Variants in CNTNAP2 observed in about 807,000 individuals in gnomAD.
The protein encoded by CNTNAP2 is contactin-associated protein-like 2.
A neutral mutation model predicts 155.2 loss-of-function variants in CNTNAP2; 98 were observed. That is an observed-to-expected ratio of 0.63 (90% CI 0.54 to 0.75). CNTNAP2 has a LOEUF of 0.75. CNTNAP2 is among the 30% of genes least tolerant of loss of function. CNTNAP2 has a pLI of 0.00. For missense variants in CNTNAP2, 1,727 were observed against 1,688.1 expected, an observed-to-expected ratio of 1.02 and a Z score of -0.40; for synonymous variants, 651 against 631.2, an observed-to-expected ratio of 1.03 and a Z score of -0.47.
In CNTNAP2 at chr7:147,300,268, T is replaced by C. The variant is rs768890589; in HGVS notation, c.1476T>C (p.Thr492=). 4 of 1,613,912 alleles carry C rather than the reference T, an allele frequency of 2.5e-6. No individual in the cohort carries two copies. Among genetic ancestry groups the C allele is most frequent in the East Asian group, 2.2e-5 (1 of 44,836 alleles). ...CTAATAGTCCCCTTCAAGTTAAAAC[T>C]GGCGAGAAGTACTTTTTTGGAGGTA... ...VRTNSPLQVK[T]GEKYFFGGFL... The change falls in exon 9 of 24, where the codon ACT becomes ACC. Residue 492 remains threonine (T), a synonymous_variant. Transcript: ENST00000361727.
chr7:146,227,696 G>C (rs1799319298), intron 1 of CNTNAP2, among the ~76,000 whole-genome samples: 1 of 152,062 alleles, frequency 6.6e-6, no homozygotes, highest in Admixed American at 6.6e-5. Flanking sequence ...TATCAAAAAG[G>C]ACAAGCTGAC....
intron 1 of CNTNAP2, among the ~76,000 whole-genome samples, chr7:146,635,793 C>G (rs1246679731): frequency 7.1e-6 from 1 of 140,826 alleles, no homozygotes. Context: ...ATCCAGGTGC[C>G]AGGACTCATC....
At chr7:146,122,083 T>G (rs1214635197) in intron 1 of CNTNAP2, among the ~76,000 whole-genome samples, 2 of 152,214 alleles carry the variant, frequency 1.3e-5, no homozygotes, top group Non-Finnish European at 2.9e-5. Flanking sequence ...ATCACACTCT[T>G]AGAGTCTATG....
At chr7:148,095,289 C>T (rs1418313964) in intron 15 of CNTNAP2, among the ~76,000 whole-genome samples, 1 of 152,220 alleles carries the variant, frequency 6.6e-6, no homozygotes, top group Non-Finnish European at 1.5e-5. Context: ...CAAGCTACTC[C>T]TGCTCATGGA....
At chr7:147,013,576 T>G (rs920611266) in intron 3 of CNTNAP2, among the ~76,000 whole-genome samples, 1 of 152,132 alleles carries the variant, frequency 6.6e-6, no homozygotes, top group Non-Finnish European at 1.5e-5. Flanking sequence ...AAGATGATCC[T>G]GTCTTCAGGA....
chr7:147,441,902 C>T (rs770890004), intron 10 of CNTNAP2, among the ~76,000 whole-genome samples: 6 of 137,374 alleles, frequency 4.4e-5, no homozygotes, highest in African/African-American at 7.9e-5. Context: ...TTCTGAGCCA[C>T]GTGGAGCTGG....
chr7:147,702,243 G>A (rs921078812), intron 13 of CNTNAP2, among the ~76,000 whole-genome samples: 1 of 151,862 alleles, frequency 6.6e-6, no homozygotes, highest in Non-Finnish European at 1.5e-5. Flanking sequence ...TGGGGTTGCA[G>A]AATTTGCAGC....
chr7:146,875,352 G>A (rs9640487), intron 3 of CNTNAP2, among the ~76,000 whole-genome samples: 1 of 152,248 alleles, frequency 6.6e-6, no homozygotes, highest in East Asian at 1.9e-4. Context: ...GTTCCCCACA[G>A]CTTGATTAAA....
intron 8 of CNTNAP2, among the ~76,000 whole-genome samples, chr7:147,196,875 C>G (rs1802811948): frequency 6.6e-6 from 1 of 152,098 alleles, no homozygotes; most frequent in African/African-American, 2.4e-5. Flanking sequence ...CAGTGTGATC[C>G]TCAAGATTTG....
intron 13 of CNTNAP2, among the ~76,000 whole-genome samples, chr7:147,736,250 A>G (rs7788028): frequency 0.97 from 146,375 of 151,338 alleles, 70,949 homozygotes; most frequent in East Asian, 1. Flanking sequence ...TTGCTTGTCT[A>G]TAAAGTATTT....
chr7:147,670,099 A>G (rs556994056), intron 13 of CNTNAP2, among the ~76,000 whole-genome samples: 23 of 152,328 alleles, frequency 1.5e-4, no homozygotes, highest in Middle Eastern at 3.4e-3. Context: ...GAAAATGTCA[A>G]TGTGTAAAAT....
At chr7:148,383,321 G>A (rs925804780) in intron 21 of CNTNAP2, among the ~76,000 whole-genome samples, 2 of 151,904 alleles carry the variant, frequency 1.3e-5, no homozygotes, top group Admixed American at 1.3e-4. Flanking sequence ...GGAAGCATCA[G>A]AAAAGATAAG....
At chr7:147,862,142 C>T (rs894160397) in intron 13 of CNTNAP2, among the ~76,000 whole-genome samples, 2 of 151,966 alleles carry the variant, frequency 1.3e-5, no homozygotes, top group South Asian at 2.1e-4. Context: ...CTTTGAAAAC[C>T]GACCACATCC....
intron 9 of CNTNAP2, among the ~76,000 whole-genome samples, chr7:147,327,151 T>C (rs1475468095): frequency 1.3e-5 from 2 of 152,196 alleles, no homozygotes; most frequent in Non-Finnish European, 2.9e-5. Context: ...TTAAAAAGCA[T>C]ACATGCCCAC....
chr7:146,325,046 C>T (rs934410362), intron 1 of CNTNAP2, among the ~76,000 whole-genome samples: 5 of 151,944 alleles, frequency 3.3e-5, no homozygotes, highest in East Asian at 3.9e-4. Context: ...GCGATCCTCC[C>T]GCCTGAGCCT....
chr7:147,148,284 G>A lies in CNTNAP2; in HGVS notation c.1348+15775G>A, dbSNP rs1378856437. Among the ~76,000 whole-genome samples, 4 of 150,774 alleles carry A rather than the reference G, an allele frequency of 2.7e-5. No homozygotes were observed. The East Asian group carries it at 7.9e-4, about 30-fold the overall frequency. On this transcript the variant is annotated intron_variant, in intron 8 of 23. Transcript: ENST00000361727. Reference sequence around the variant, plus strand: ...GGGCGCCTGTAGTCCCAGCTACTTGGGAGGCTGAGGCAGGAGAATGGCGTG... The same window carrying A: ...GGGCGCCTGTAGTCCCAGCTACTTGAGAGGCTGAGGCAGGAGAATGGCGTG...
chr7:147,269,495 T>C (rs183215270), intron 8 of CNTNAP2, among the ~76,000 whole-genome samples: 4 of 152,246 alleles, frequency 2.6e-5, no homozygotes, highest in East Asian at 1.9e-4. Context: ...CATAAATACA[T>C]GTGCAACCGA....
At chr7:146,257,648 C>G (rs570999362) in intron 1 of CNTNAP2, among the ~76,000 whole-genome samples, 10 of 152,312 alleles carry the variant, frequency 6.6e-5, no homozygotes, top group Non-Finnish European at 1.3e-4. Flanking sequence ...ATACTTTAGC[C>G]TAAGCCAGTG....
Position 148,236,666 on chromosome 7 carries a change from T to C in CNTNAP2, c.3381+6887T>C, listed in dbSNP as rs147542845. On this transcript the variant is annotated intron_variant, in intron 20 of 23. Transcript: ENST00000361727. ...TCTGTCTTGCACTGCTATAAAGAAA[T>C]ACCTGAGACTGAGTAATTCATAAAG... Among the ~76,000 whole-genome samples the C allele has an allele frequency of 9.7e-3, 1,479 of 152,290 alleles. 9 individuals are homozygous for C. Among genetic ancestry groups the C allele is most frequent in the Non-Finnish European group, 0.014 (966 of 68,028 alleles).
Sources: gnomAD v4.1 joint callset for allele counts (sites outside exome capture counted in the v4.1 genomes callset) on GRCh38, gnomAD v4.1.1 for gene constraint, MANE v1.5 for transcripts, NCBI Gene and HGNC (gene_info 2026-07-23, HGNC 2026-07-21) for gene names.